Variants in NSG1 observed in about 807,000 individuals in gnomAD.
The protein encoded by NSG1 is neuronal vesicle trafficking associated 1.
In NSG1, 9 loss-of-function variants were observed where a neutral mutation model predicts 19.3. The ratio of observed to expected loss-of-function variants is 0.47; its 90% CI spans 0.28 to 0.81. The LOEUF (loss-of-function observed/expected upper bound fraction) is 0.81, where lower values mean the gene tolerates loss of function less well. Ranked by LOEUF, NSG1 falls within the 40% of genes least tolerant of loss-of-function variation. The probability of loss-of-function intolerance (pLI) is 0.11; values close to 1 mark genes in which losing one functional copy is unlikely to be tolerated. For missense variants in NSG1, 236 were observed against 242.4 expected, an observed-to-expected ratio of 0.97 and a Z score of 0.18; for synonymous variants, 104 against 107.0, an observed-to-expected ratio of 0.97 and a Z score of 0.17.
chr4:4,397,333 T>C (rs1723307776), intron 3 of NSG1, among the ~76,000 whole-genome samples: 1 of 152,128 alleles, frequency 6.6e-6, no homozygotes, highest in African/African-American at 2.4e-5. Context: ...CCTGTTAGTC[T>C]CTGATGGTTG....
At chr4:4,410,251 C>T (rs1478721555) in intron 4 of NSG1, among the ~76,000 whole-genome samples, 1 of 152,188 alleles carries the variant, frequency 6.6e-6, no homozygotes, top group South Asian at 2.1e-4. Flanking sequence ...TGGAAATGCT[C>T]GCTTTGCATA....
intron 4 of NSG1, among the ~76,000 whole-genome samples, chr4:4,413,518 C>T (rs113206094): frequency 5.9e-4 from 89 of 151,054 alleles, no homozygotes; most frequent in African/African-American, 1.9e-3. Flanking sequence ...CTTCAGGGAA[C>T]GAGGGCAGTG....
At chr4:4,413,475 G>A (rs1410038816) in intron 4 of NSG1, among the ~76,000 whole-genome samples, 1 of 151,098 alleles carries the variant, frequency 6.6e-6, no homozygotes, top group Non-Finnish European at 1.5e-5. Context: ...AGGACACCAG[G>A]GCTTTACAAC....
chr4:4,392,186 G>C (rs1419916493), intron 3 of NSG1, among the ~76,000 whole-genome samples: 1 of 151,488 alleles, frequency 6.6e-6, no homozygotes, highest in Admixed American at 6.6e-5. Flanking sequence ...GGGATGAAGG[G>C]GTGCTGCTGA....
chr4:4,394,343 A>G (rs114408864), intron 3 of NSG1, among the ~76,000 whole-genome samples: 2,134 of 152,296 alleles, frequency 0.014, 40 homozygotes, highest in African/African-American at 0.048. Flanking sequence ...GAGACATGGC[A>G]GGCACAGGTA....
At chr4:4,387,498 G>A in intron 1 of NSG1, 106 bp from the exon 2 acceptor site, 1 of 720,042 alleles carries the variant, frequency 1.4e-6, no homozygotes, top group Non-Finnish European at 2.3e-6. Flanking sequence ...AAGCGGGGCC[G>A]GGGAGCTCGC....
chr4:4,417,428 C>T lies in NSG1; in HGVS notation c.551C>T (p.Ser184Leu). Reference protein sequence around the residue: ...SEQETEAAEKSA With the variant: ...SEQETEAAEKLA The stretch of plus-strand genomic sequence containing the variant: ...CAGGAGACTGAAGCGGCTGAGAAGT[C>T]AGCTTAGCGGGATGGGCAAGTTCCT... The change falls in exon 5 of 5, where the codon TCA becomes TTA. Residue 184 changes from serine to leucine, a missense_variant. Physicochemically the swap from Ser to Leu is moderately radical, Grantham distance 145 (BLOSUM62 -2). Coordinates refer to ENST00000621129, the MANE Select transcript of NSG1 (RefSeq NM_014392.5). The T allele has an allele frequency of 2.5e-6, 4 of 1,614,212 alleles. No homozygotes were observed. The highest frequency in any genetic ancestry group is 2.5e-6 in the Non-Finnish European group (3 of 1,180,034).
chr4:4,402,455 T>G (rs1723614536), intron 3 of NSG1, among the ~76,000 whole-genome samples: 1 of 131,866 alleles, frequency 7.6e-6, no homozygotes, highest in Non-Finnish European at 1.6e-5. Flanking sequence ...TGGCGGGATC[T>G]CGGCTCACTG....
intron 3 of NSG1, among the ~76,000 whole-genome samples, chr4:4,405,599 T>C (rs905726906): frequency 2.6e-5 from 4 of 152,138 alleles, no homozygotes; most frequent in African/African-American, 9.7e-5. Flanking sequence ...CCCGTGGCCC[T>C]CTCTCTCCTT....
At chr4:4,399,570 A>G (rs1036480518) in intron 3 of NSG1, among the ~76,000 whole-genome samples, 3 of 151,780 alleles carry the variant, frequency 2.0e-5, no homozygotes, top group African/African-American at 7.2e-5. Flanking sequence ...CTACCATTCT[A>G]TAGGTTCTTT....
chr4:4,411,213 T>A (rs1025592133), intron 4 of NSG1, among the ~76,000 whole-genome samples: 23 of 152,230 alleles, frequency 1.5e-4, no homozygotes, highest in Non-Finnish European at 3.2e-4. Context: ...AGCTTAAAGC[T>A]CAAACATCTT....
In NSG1 at chr4:4,387,708, CT is replaced by C; in HGVS notation, c.80del (p.Leu27ArgfsTer2). 6.2e-7 allele frequency: 1 copy of C among 1,613,524 alleles called. No individual in the cohort carries two copies. On this transcript the variant is annotated frameshift_variant, in exon 2 of 5. Coordinates refer to ENST00000621129, the MANE Select transcript of NSG1 (RefSeq NM_014392.5). LOFTEE classifies it high-confidence loss of function. ...LLEDGFDTIP[L>X]MTPLDVNQLQ... ...GGAGGATGGCTTCGACACCATTCCC[CT>C]GATGACGCCCCTCGATGTCAATCAG... is the stretch of plus-strand genomic sequence containing the variant.
chr4:4,402,240 T>C (rs934584192), intron 3 of NSG1, among the ~76,000 whole-genome samples: 14 of 150,714 alleles, frequency 9.3e-5, no homozygotes, highest in Non-Finnish European at 1.9e-4. Flanking sequence ...GGGGTTTTGC[T>C]GTGTAGCCCA....
At chr4:4,391,178 C>T (rs1722970040) in intron 2 of NSG1, among the ~76,000 whole-genome samples, 1 of 152,226 alleles carries the variant, frequency 6.6e-6, no homozygotes, top group South Asian at 2.1e-4. Context: ...GAGTCAGCTG[C>T]CAGGCTGCAT....
chr4:4,389,384 G>A (rs1722890062), intron 2 of NSG1, among the ~76,000 whole-genome samples: 1 of 152,224 alleles, frequency 6.6e-6, no homozygotes, highest in African/African-American at 2.4e-5. Context: ...GGTCCAGCCA[G>A]ACCTTCCATC....
intron 4 of NSG1, among the ~76,000 whole-genome samples, chr4:4,414,343 G>A (rs964795651): frequency 6.6e-6 from 1 of 151,906 alleles, no homozygotes; most frequent in Non-Finnish European, 1.5e-5. Context: ...TCCACAGCCA[G>A]CCTTGGGAAT....
chr4:4,400,687 C>A (rs947076106), intron 3 of NSG1, among the ~76,000 whole-genome samples: 1 of 151,954 alleles, frequency 6.6e-6, no homozygotes, highest in African/African-American at 2.4e-5. Context: ...GGCAGTAAAC[C>A]ACAGAGGTAT....
chr4:4,400,736 T>G (rs1324077554), intron 3 of NSG1, among the ~76,000 whole-genome samples: 1 of 152,210 alleles, frequency 6.6e-6, no homozygotes, highest in Non-Finnish European at 1.5e-5. Context: ...GCATACCAGG[T>G]GTTTTTATAT....
At chr4:4,414,628 G>A (rs1424435942) in intron 4 of NSG1, among the ~76,000 whole-genome samples, 1 of 152,210 alleles carries the variant, frequency 6.6e-6, no homozygotes, top group Non-Finnish European at 1.5e-5. Context: ...GTTGCTCACA[G>A]AATGCATCCA....
Sources: allele counts gnomAD v4.1 joint callset (sites outside exome capture counted in the v4.1 genomes callset), GRCh38; gene constraint gnomAD v4.1.1; transcripts MANE v1.5; gene names NCBI Gene and HGNC (gene_info 2026-07-23, HGNC 2026-07-21).